MPZL1: variants seen among roughly 807,000 people sequenced by gnomAD.
The protein encoded by MPZL1 is myelin protein zero like 1.
A neutral mutation model predicts 29.3 loss-of-function variants in MPZL1; 16 were observed. The ratio of observed to expected loss-of-function variants is 0.55; its 90% CI spans 0.37 to 0.83. The LOEUF is 0.83. Ranked by LOEUF, MPZL1 falls within the 40% of genes least tolerant of loss-of-function variation. The pLI, the probability that MPZL1 is intolerant of heterozygous loss-of-function variation, is 0.00. For missense variants in MPZL1, 279 were observed against 332.9 expected (o/e 0.84, Z 1.26); for synonymous variants, 143 against 132.0 (o/e 1.08, Z -0.57).
intron 1 of MPZL1, among the ~76,000 whole-genome samples, chr1:167,742,430 T>G (rs1448055574): frequency 2.0e-5 from 3 of 152,076 alleles, no homozygotes; most frequent in Non-Finnish European, 4.4e-5. Context: ...ATCTTTCAAA[T>G]AAAAAAGATA....
intron 2 of MPZL1, among the ~76,000 whole-genome samples, chr1:167,769,913 T>C (rs1661202000): frequency 6.6e-6 from 1 of 152,064 alleles, no homozygotes; most frequent in Non-Finnish European, 1.5e-5. Flanking sequence ...ATTGACAATA[T>C]TGGGGGATTA....
At chr1:167,749,669 G>T (rs4145461) in intron 1 of MPZL1, among the ~76,000 whole-genome samples, 66,495 of 152,046 alleles carry the variant, frequency 0.44, 14,856 homozygotes, top group Non-Finnish European at 0.48. Flanking sequence ...CACAAAAAAA[G>T]AACTTCAGAA....
chr1:167,786,015 G>A (rs528790672), intron 5 of MPZL1, among the ~76,000 whole-genome samples: 6 of 152,160 alleles, frequency 3.9e-5, no homozygotes, highest in Middle Eastern at 3.4e-3. Context: ...GGATGGTCTC[G>A]ATCTCCTGAC....
chr1:167,766,660 A>G (rs780892698), intron 2 of MPZL1, among the ~76,000 whole-genome samples: 57 of 152,236 alleles, frequency 3.7e-4, no homozygotes, highest in Non-Finnish European at 6.8e-4. Flanking sequence ...CTGAATGGTG[A>G]GTTACATTGT....
At chr1:167,777,496 A>G (rs571236835) in intron 5 of MPZL1, among the ~76,000 whole-genome samples, 2 of 152,284 alleles carry the variant, frequency 1.3e-5, no homozygotes, top group African/African-American at 4.8e-5. Flanking sequence ...GTCTCACTCA[A>G]TTGAGAAGGC....
intron 1 of MPZL1, among the ~76,000 whole-genome samples, chr1:167,761,888 G>A (rs533768700): frequency 1.3e-5 from 2 of 152,314 alleles, no homozygotes; most frequent in South Asian, 2.1e-4. Flanking sequence ...ATGCAAGGGG[G>A]TGAGTATAAT....
At position 167,722,047 on chromosome 1, in the gene MPZL1, G is replaced by A. The variant is rs557388195; in HGVS notation, c.-105G>A. On this transcript the variant is annotated 5_prime_UTR_variant, in exon 1 of 6. Coordinates refer to ENST00000359523, the MANE Select transcript of MPZL1 (RefSeq NM_003953.6). ...GCGGCGTGGAGGTGCCACCCGGCGC[G>A]GGTGGCGGAGAGATCAGAAGCCTCT... is the stretch of plus-strand genomic sequence containing the variant. 8.2e-7 allele frequency: 1 copy of A among 1,226,234 alleles called. No homozygotes were observed. Among genetic ancestry groups the A allele is most frequent in the South Asian group, 4.1e-5 (1 of 24,138 alleles). The allele number at this position is 1,226,234 out of a possible 1,614,324, so 76.0% of individuals were successfully genotyped here.
intron 1 of MPZL1, among the ~76,000 whole-genome samples, chr1:167,743,653 T>G (rs1203069899): frequency 8.5e-6 from 1 of 117,990 alleles, no homozygotes; most frequent in African/African-American, 2.9e-5. Context: ...GTATTTTGTT[T>G]TACTTTTTTT....
intron 1 of MPZL1, among the ~76,000 whole-genome samples, chr1:167,760,747 CTGTGTGTG>C (rs58963124): frequency 0.021 from 2,570 of 120,164 alleles, 33 homozygotes; most frequent in African/African-American, 0.036. Flanking sequence ...GTTGAATAGG[CTGTGTGTG>C]TGTGTGTGTG....
chr1:167,735,215 G>A (rs1660352530), intron 1 of MPZL1, among the ~76,000 whole-genome samples: 1 of 152,170 alleles, frequency 6.6e-6, no homozygotes, highest in Admixed American at 6.5e-5. Flanking sequence ...TGACAAAAAT[G>A]TTTAAAGGTA....
chr1:167,734,565 C>G (rs972272786), intron 1 of MPZL1, among the ~76,000 whole-genome samples: 1 of 152,172 alleles, frequency 6.6e-6, no homozygotes, highest in Admixed American at 6.5e-5. Flanking sequence ...CCCCAGATTT[C>G]TGTTTATATA....
At chr1:167,769,295 A>C (rs1221210040) in intron 2 of MPZL1, among the ~76,000 whole-genome samples, 3 of 152,194 alleles carry the variant, frequency 2.0e-5, no homozygotes, top group Admixed American at 6.5e-5. Flanking sequence ...TGGAAGGCAG[A>C]GATGATGTTA....
At chr1:167,781,743 A>G (rs141135890) in intron 5 of MPZL1, among the ~76,000 whole-genome samples, 5 of 152,246 alleles carry the variant, frequency 3.3e-5, no homozygotes, top group Non-Finnish European at 5.9e-5. Flanking sequence ...ATCAGCTGAC[A>G]TTCTCATTGT....
chr1:167,765,810 A>G, intron 2 of MPZL1, 61 bp downstream of exon 2: 4 of 1,410,460 alleles, frequency 2.8e-6, no homozygotes, highest in Non-Finnish European at 3.8e-6. Flanking sequence ...CTGCTGTATA[A>G]TTGGTGATCC....
At chr1:167,760,522 G>A (rs1660964238) in intron 1 of MPZL1, among the ~76,000 whole-genome samples, 2 of 152,020 alleles carry the variant, frequency 1.3e-5, no homozygotes, top group Non-Finnish European at 2.9e-5. Flanking sequence ...AGGTTTCTAA[G>A]TAGAGATGAC....
intron 1 of MPZL1, among the ~76,000 whole-genome samples, chr1:167,723,983 C>A (rs1660092771): frequency 1.3e-5 from 2 of 152,174 alleles, no homozygotes; most frequent in African/African-American, 4.8e-5. Context: ...GAGGTTAGGT[C>A]TCACTGTGTT....
At chr1:167,738,982 AC>A (rs1189612832) in intron 1 of MPZL1, among the ~76,000 whole-genome samples, 1 of 151,726 alleles carries the variant, frequency 6.6e-6, no homozygotes, top group Non-Finnish European at 1.5e-5. Context: ...TCTCACTGTC[AC>A]CCGGGCTGGA....
At chr1:167,784,449 CTTT>C (rs1178083992) in intron 5 of MPZL1, among the ~76,000 whole-genome samples, 2 of 152,098 alleles carry the variant, frequency 1.3e-5, no homozygotes, top group Non-Finnish European at 2.9e-5. Context: ...TGTTTTCCTT[CTTT>C]ATTATACCCA....
intron 1 of MPZL1, among the ~76,000 whole-genome samples, chr1:167,733,162 C>A (rs142830958): frequency 1.3e-5 from 2 of 152,306 alleles, no homozygotes; most frequent in African/African-American, 4.8e-5. Context: ...TGTAGGAATA[C>A]CGTGACCAGC....
Sources: gnomAD v4.1 joint callset for allele counts (sites outside exome capture counted in the v4.1 genomes callset) on GRCh38, gnomAD v4.1.1 for gene constraint, MANE v1.5 for transcripts, NCBI Gene and HGNC (gene_info 2026-07-23, HGNC 2026-07-21) for gene names.